CAST: variants seen among roughly 807,000 people sequenced by gnomAD.
CAST encodes the protein calpastatin.
Under a neutral mutation model 119.6 loss-of-function variants are expected in CAST, and 76 were observed. That is an observed-to-expected ratio of 0.64 (90% confidence interval 0.53 to 0.77). The LOEUF (loss-of-function observed/expected upper bound fraction) is 0.77, where lower values mean the gene tolerates loss of function less well. Ranked by LOEUF, CAST falls within the 30% of genes least tolerant of loss-of-function variation. The pLI is 0.00. For missense variants in CAST, 953 were observed against 946.5 expected (o/e 1.01, Z -0.09); for synonymous variants, 319 against 331.6 (o/e 0.96, Z 0.41).
the CAST span, among the ~76,000 whole-genome samples, chr5:96,160,454 A>G: frequency 6.6e-6 from 1 of 152,148 alleles, no homozygotes; most frequent in South Asian, 2.1e-4. Flanking sequence ...ATTCCTTGTT[A>G]TGGCTGAATA....
the CAST span, among the ~76,000 whole-genome samples, chr5:96,465,257 T>C: frequency 1.3e-5 from 2 of 152,184 alleles, no homozygotes; most frequent in East Asian, 3.9e-4. Context: ...ATATTTTTTA[T>C]CCTGCAAATT....
chr5:96,317,671 C>T, the CAST span, among the ~76,000 whole-genome samples: 1 of 151,910 alleles, frequency 6.6e-6, no homozygotes, highest in South Asian at 2.1e-4. Flanking sequence ...TTAAACAAGC[C>T]ACTTCTAAAA....
At chr5:96,691,440 T>C (rs545774492) in intron 2 of CAST, among the ~76,000 whole-genome samples, 1 of 152,328 alleles carries the variant, frequency 6.6e-6, no homozygotes, top group Admixed American at 6.5e-5. Context: ...CCATAAAAGG[T>C]TATTATTTTT....
intron 2 of CAST, among the ~76,000 whole-genome samples, chr5:96,691,397 C>G (rs1410386435): frequency 6.6e-6 from 1 of 152,142 alleles, no homozygotes; most frequent in Non-Finnish European, 1.5e-5. Context: ...GAATCATGAG[C>G]TAGTTCTAAG....
chr5:96,318,468 C>A, the CAST span: 3 of 152,200 alleles, frequency 2.0e-5, no homozygotes, highest in Admixed American at 6.5e-5. Context: ...TTCTTGCTCC[C>A]ACAGCTTTTG....
the CAST span, among the ~76,000 whole-genome samples, chr5:96,439,060 A>T: frequency 6.6e-6 from 1 of 152,252 alleles, no homozygotes; most frequent in East Asian, 1.9e-4. Flanking sequence ...TAATATACTG[A>T]TATATTTCCA....
chr5:96,159,015 C>T, the CAST span, among the ~76,000 whole-genome samples: 2 of 152,122 alleles, frequency 1.3e-5, no homozygotes, highest in Admixed American at 1.3e-4. Flanking sequence ...ATTTTGCTTG[C>T]CAGGTGTGCT....
the CAST span, among the ~76,000 whole-genome samples, chr5:96,427,285 G>A: frequency 6.6e-6 from 1 of 152,180 alleles, no homozygotes; most frequent in South Asian, 2.1e-4. Context: ...GTAGAAAACA[G>A]TGTTATGATT....
the CAST span, among the ~76,000 whole-genome samples, chr5:96,103,484 A>G: frequency 6.6e-6 from 1 of 150,868 alleles, no homozygotes; most frequent in Non-Finnish European, 1.5e-5. Context: ...GTTTACTGAG[A>G]ATGATGATTT....
the CAST span, among the ~76,000 whole-genome samples, chr5:96,009,117 T>C: frequency 6.6e-6 from 1 of 152,220 alleles, no homozygotes; most frequent in East Asian, 1.9e-4. Context: ...TCTAGCTGCA[T>C]CCATGTTGCT....
chr5:96,165,803 T>C, the CAST span, among the ~76,000 whole-genome samples: 1 of 152,248 alleles, frequency 6.6e-6, no homozygotes, highest in African/African-American at 2.4e-5. Flanking sequence ...ACTTCATTCA[T>C]TTATCAGTGA....
chr5:96,636,472 C>A (rs1319233822), intron 1 of CAST, among the ~76,000 whole-genome samples: 2 of 152,028 alleles, frequency 1.3e-5, no homozygotes, highest in Non-Finnish European at 2.9e-5. Context: ...CTTAAGATGT[C>A]CCATAAATTT....
upstream of CAST, among the ~76,000 whole-genome samples, chr5:96,658,310 T>A (rs768733029): frequency 1.5e-4 from 22 of 150,312 alleles, no homozygotes; most frequent in Non-Finnish European, 2.5e-4. Flanking sequence ...TATCAGCACA[T>A]ACACAAAAGA....
the CAST span, among the ~76,000 whole-genome samples, chr5:96,355,805 G>A: frequency 5.0e-3 from 765 of 152,122 alleles, 8 homozygotes; most frequent in African/African-American, 0.018. Flanking sequence ...GGGTTCAAGC[G>A]ATTCTCCTGA....
At chr5:95,984,879 A>G in the CAST span, among the ~76,000 whole-genome samples, 1 of 152,126 alleles carries the variant, frequency 6.6e-6, no homozygotes, top group African/African-American at 2.4e-5. Context: ...ATGTTTTTAT[A>G]TTGATTACGT....
chr5:96,054,784 G>C, the CAST span, among the ~76,000 whole-genome samples: 1 of 152,272 alleles, frequency 6.6e-6, no homozygotes, highest in Middle Eastern at 3.4e-3. Context: ...GTTGGTGGAA[G>C]AAACCTGAAC....
intron 1 of CAST, among the ~76,000 whole-genome samples, chr5:96,667,997 A>G (rs1463357038): frequency 6.6e-6 from 1 of 152,244 alleles, no homozygotes; most frequent in Non-Finnish European, 1.5e-5. Context: ...CCCGGGCGAC[A>G]GAGCAAGACT....
At chr5:96,226,977 G>A in the CAST span, among the ~76,000 whole-genome samples, 4 of 152,234 alleles carry the variant, frequency 2.6e-5, no homozygotes, top group Admixed American at 6.5e-5. Flanking sequence ...GAGTGTCCAC[G>A]GTTTCTAGCT....
At chr5:96,259,778 A>G in the CAST span, among the ~76,000 whole-genome samples, 1 of 152,090 alleles carries the variant, frequency 6.6e-6, no homozygotes, top group African/African-American at 2.4e-5. Context: ...AGAGCAGTTT[A>G]TCAATAAAGA....
Sources: gnomAD v4.1 joint callset for allele counts (sites outside exome capture counted in the v4.1 genomes callset) on GRCh38, gnomAD v4.1.1 for gene constraint, MANE v1.5 for transcripts, NCBI Gene and HGNC (gene_info 2026-07-23, HGNC 2026-07-21) for gene names.